The following FOXP2 variants were observed in gnomAD, a reference collection of about 807,000 sequenced individuals.
The protein encoded by FOXP2 is forkhead box P2.
A neutral mutation model predicts 115.8 loss-of-function variants in FOXP2; 12 were observed. The ratio of observed to expected loss-of-function variants is 0.10; its 90% CI spans 0.07 to 0.17. FOXP2 has a LOEUF of 0.17. FOXP2 is among the 10% of genes least tolerant of loss of function. The pLI is 1.00. For missense variants in FOXP2, 629 were observed against 843.5 expected (o/e 0.75, Z 3.15); for synonymous variants, 328 against 297.7 (o/e 1.10, Z -1.05).
chr7:114,155,454 A>T (rs191486764), intron 1 of FOXP2, among the ~76,000 whole-genome samples: 1 of 152,262 alleles, frequency 6.6e-6, no homozygotes, highest in African/African-American at 2.4e-5. Context: ...AAAGTGTTTT[A>T]CCCCAAAATA....
rs573891309 is a variant in FOXP2 at position 114,578,564 on chromosome 7, ATTTTGCCAGGCCATTTGTTTTAG to A, written c.258+43863_258+43885del. ...CTTGACTCATGGTTCATATGTATTA[ATTTTGCCAGGCCATTTGTTTTAG>A]TTTTAATTCTATGTGTCTGTCAAAT... On this transcript the variant is annotated intron_variant, in intron 3 of 16. Transcript: ENST00000350908. Among the ~76,000 whole-genome samples the A allele has an allele frequency of 2.8e-4, 42 of 152,196 alleles. No homozygotes were observed. The South Asian group carries it at 8.7e-3, about 32-fold the overall frequency.
intron 2 of FOXP2, among the ~76,000 whole-genome samples, chr7:114,312,022 G>A (rs1797158396): frequency 1.3e-5 from 2 of 152,100 alleles, no homozygotes; most frequent in Non-Finnish European, 2.9e-5. Context: ...TGCAGCAGAA[G>A]CCAGATACGT....
chr7:114,607,019 C>G (rs1803367297), intron 3 of FOXP2, among the ~76,000 whole-genome samples: 1 of 152,104 alleles, frequency 6.6e-6, no homozygotes, highest in Non-Finnish European at 1.5e-5. Flanking sequence ...GATTCTAGAG[C>G]CTACCCTTCT....
At chr7:114,452,028 C>A (rs540623612) in intron 2 of FOXP2, among the ~76,000 whole-genome samples, 1 of 152,028 alleles carries the variant, frequency 6.6e-6, no homozygotes, top group Admixed American at 6.6e-5. Flanking sequence ...TCTTTTCTAA[C>A]CCCATAGATC....
intron 1 of FOXP2, among the ~76,000 whole-genome samples, chr7:114,123,595 T>C (rs1791626135): frequency 6.6e-6 from 1 of 152,084 alleles, no homozygotes; most frequent in African/African-American, 2.4e-5. Flanking sequence ...AACAGTGTAG[T>C]TTACTAATGT....
At chr7:114,399,335 T>G (rs554174222) in intron 2 of FOXP2, among the ~76,000 whole-genome samples, 14 of 152,250 alleles carry the variant, frequency 9.2e-5, no homozygotes, top group African/African-American at 2.9e-4. Flanking sequence ...CTGGAACTCC[T>G]GACCTCAGGT....
chr7:114,153,357 C>T (rs1792574524), intron 1 of FOXP2, among the ~76,000 whole-genome samples: 1 of 152,048 alleles, frequency 6.6e-6, no homozygotes, highest in African/African-American at 2.4e-5. Context: ...ACAAATGTTG[C>T]ATGCTGTCAT....
intron 2 of FOXP2, among the ~76,000 whole-genome samples, chr7:114,363,588 C>A (rs567839892): frequency 6.6e-6 from 1 of 151,920 alleles, no homozygotes; most frequent in African/African-American, 2.4e-5. Context: ...GATATAGAAC[C>A]AAGAGGGGGT....
intron 1 of FOXP2, among the ~76,000 whole-genome samples, chr7:114,214,398 G>T (rs1794436265): frequency 6.6e-6 from 1 of 152,118 alleles, no homozygotes; most frequent in Non-Finnish European, 1.5e-5. Context: ...ACTTCTTAGG[G>T]TCATGAATTT....
At chr7:114,253,384 C>T (rs143644604) in intron 1 of FOXP2, among the ~76,000 whole-genome samples, 6,303 of 152,134 alleles carry the variant, frequency 0.041, 322 homozygotes, top group African/African-American at 0.12. Flanking sequence ...CTAATGTTGA[C>T]AGTGGGGCGT....
At chr7:114,637,424 A>G (rs928240597) in intron 6 of FOXP2, among the ~76,000 whole-genome samples, 1 of 152,166 alleles carries the variant, frequency 6.6e-6, no homozygotes, top group Non-Finnish European at 1.5e-5. Flanking sequence ...GAGAAACCGA[A>G]TAATCTTCAC....
intron 2 of FOXP2, among the ~76,000 whole-genome samples, chr7:114,532,255 G>A (rs189909756): frequency 1.3e-5 from 2 of 151,970 alleles, no homozygotes; most frequent in East Asian, 3.9e-4. Flanking sequence ...GAGGGCAGTA[G>A]CCATTAAAAC....
Position 114,121,916 on chromosome 7 carries a change from G to A in FOXP2, c.-247+34078G>A, listed in dbSNP as rs575754442. 2.0e-5 allele frequency among the ~76,000 whole-genome samples: 3 copies of A among 152,200 alleles called. No individual in the cohort carries two copies. The East Asian group carries it at 5.8e-4, about 29-fold the overall frequency. On this transcript the variant is annotated intron_variant, in intron 1 of 19. Coordinates refer to the FOXP2 transcript ENST00000635638. ...TTGTGGGAAAAGATTGTCCCATCAG[G>A]TAGTAAGTACCTATTTGAAGAAACA... is the stretch of plus-strand genomic sequence containing the variant.
chr7:114,625,047 C>T (rs1804474609), intron 3 of FOXP2, among the ~76,000 whole-genome samples: 1 of 151,470 alleles, frequency 6.6e-6, no homozygotes, highest in Admixed American at 6.6e-5. Context: ...CACAGAGCAG[C>T]ATGTCGGGTT....
At chr7:114,366,201 A>G (rs1791877936) in intron 2 of FOXP2, among the ~76,000 whole-genome samples, 1 of 152,090 alleles carries the variant, frequency 6.6e-6, no homozygotes, top group South Asian at 2.1e-4. Flanking sequence ...GTCTATAGCC[A>G]CAGATTTGTG....
At chr7:114,378,234 C>G (rs1363721152) in intron 2 of FOXP2, among the ~76,000 whole-genome samples, 1 of 152,178 alleles carries the variant, frequency 6.6e-6, no homozygotes, top group Non-Finnish European at 1.5e-5. Flanking sequence ...ACCTCCAACA[C>G]TGAACAGAAT....
At chr7:114,097,107 T>C (rs1799669226) in intron 1 of FOXP2, among the ~76,000 whole-genome samples, 1 of 152,238 alleles carries the variant, frequency 6.6e-6, no homozygotes, top group Non-Finnish European at 1.5e-5. Context: ...TCTTTATAAT[T>C]GTTTTAAGCA....
intron 2 of FOXP2, among the ~76,000 whole-genome samples, chr7:114,289,650 T>C (rs1042575119): frequency 1.3e-5 from 2 of 151,932 alleles, no homozygotes; most frequent in African/African-American, 4.8e-5. Flanking sequence ...AACTATTTTT[T>C]AAAAGTAGAG....
In FOXP2 at chr7:114,200,992, T is replaced by G. The variant is rs534820884; in HGVS notation, c.-102+37904T>G. Among the ~76,000 whole-genome samples, 4 of 152,084 alleles carry G rather than the reference T, an allele frequency of 2.6e-5. No homozygotes were observed. In the East Asian group the frequency reaches 5.8e-4, roughly 22 times the overall value. ...TAACATGGTGAAACCCTGTTTCTAC[T>G]AAAAATACAAAAAATTAGCTGGGCA... On this transcript the variant is annotated intron_variant, in intron 1 of 17. Coordinates refer to the FOXP2 transcript ENST00000634411.
Sources: gnomAD v4.1 joint callset for allele counts (sites outside exome capture counted in the v4.1 genomes callset) on GRCh38, gnomAD v4.1.1 for gene constraint, MANE v1.5 for transcripts, NCBI Gene and HGNC (gene_info 2026-07-23, HGNC 2026-07-21) for gene names.